The following CLINT1 variants were observed in gnomAD, a reference collection of about 807,000 sequenced individuals.
CLINT1 encodes the protein clathrin interacting protein localized in the trans-Golgi region.
A neutral mutation model predicts 70.4 loss-of-function variants in CLINT1; 15 were observed. The observed-to-expected ratio is 0.21, with a 90% CI of 0.14 to 0.33. The LOEUF (loss-of-function observed/expected upper bound fraction) is 0.33. CLINT1 is among the 10% of genes least tolerant of loss of function. The pLI, the probability that CLINT1 is intolerant of heterozygous loss-of-function variation, is 1.00. For missense variants in CLINT1, 615 were observed against 778.1 expected, an observed-to-expected ratio of 0.79 and a Z score of 2.49; for synonymous variants, 227 against 254.7, an observed-to-expected ratio of 0.89 and a Z score of 1.04.
chr5:157,819,015 T>C (rs1326779721), intron 1 of CLINT1, among the ~76,000 whole-genome samples: 5 of 152,312 alleles, frequency 3.3e-5, no homozygotes, highest in African/African-American at 1.2e-4. Flanking sequence ...TACATGCATA[T>C]ACCCCACTTT....
intron 11 of CLINT1, 56 bp downstream of exon 11, chr5:157,789,307 A>C: frequency 6.8e-7 from 1 of 1,480,170 alleles, no homozygotes. Flanking sequence ...TAGTCCTGGC[A>C]TTAAGGCAAA....
chr5:157,859,045 C>T lies in CLINT1; in HGVS notation c.-75G>A. The T allele has an allele frequency of 6.4e-7, 1 of 1,550,536 alleles. No homozygotes were observed. The highest frequency in any genetic ancestry group is 8.8e-7 in the Non-Finnish European group (1 of 1,136,596). On this transcript the variant is annotated 5_prime_UTR_variant, in exon 1 of 12. Coordinates refer to ENST00000411809, the MANE Select transcript of CLINT1 (RefSeq NM_014666.4). Reference sequence around the variant, plus strand: ...ACCCCGGAACACTTCCGTACCGGGGCAGTTCCAGGCCGGGGTCACCGCCGC... The same window carrying T: ...ACCCCGGAACACTTCCGTACCGGGGTAGTTCCAGGCCGGGGTCACCGCCGC...
intron 8 of CLINT1, among the ~76,000 whole-genome samples, chr5:157,801,595 G>C (rs1243518636): frequency 6.6e-6 from 1 of 151,980 alleles, no homozygotes; most frequent in Non-Finnish European, 1.5e-5. Flanking sequence ...CACTTCGGGA[G>C]GCTGAGGCAG....
intron 1 of CLINT1, among the ~76,000 whole-genome samples, chr5:157,857,042 C>T (rs1753780381): frequency 6.6e-6 from 1 of 152,060 alleles, no homozygotes; most frequent in Admixed American, 6.6e-5. Flanking sequence ...TCTAAGAGAA[C>T]AAGGTGTTTC....
chr5:157,824,214 A>G (rs542688493), intron 1 of CLINT1, among the ~76,000 whole-genome samples: 29 of 152,308 alleles, frequency 1.9e-4, no homozygotes, highest in African/African-American at 6.5e-4. Flanking sequence ...GAACCTTGTG[A>G]TATTCATTTT....
intron 1 of CLINT1, among the ~76,000 whole-genome samples, chr5:157,847,707 T>C (rs1246096341): frequency 6.6e-6 from 1 of 152,174 alleles, no homozygotes; most frequent in African/African-American, 2.4e-5. Context: ...TGTAATCTCA[T>C]GATAAAGCTT....
At chr5:157,800,437 C>T (rs866197288) in intron 8 of CLINT1, among the ~76,000 whole-genome samples, 1 of 152,012 alleles carries the variant, frequency 6.6e-6, no homozygotes, top group Non-Finnish European at 1.5e-5. Context: ...TATACCTTCT[C>T]GTGTAAGTGC....
intron 8 of CLINT1, chr5:157,795,544 T>G (rs533401917): frequency 6.6e-6 from 1 of 152,230 alleles, no homozygotes; most frequent in Non-Finnish European, 1.5e-5. Flanking sequence ...TAAAGAGATA[T>G]AGGCTGAAGT....
intron 8 of CLINT1, among the ~76,000 whole-genome samples, chr5:157,802,542 CTTTT>C (rs199598702): frequency 4.4e-5 from 6 of 137,302 alleles, no homozygotes; most frequent in Non-Finnish European, 6.2e-5. Flanking sequence ...GTAGCCCTCT[CTTTT>C]TTTTTTTTTT....
intron 1 of CLINT1, among the ~76,000 whole-genome samples, chr5:157,855,186 A>C (rs1753718860): frequency 1.4e-5 from 2 of 142,222 alleles, no homozygotes. Flanking sequence ...CTGATGAAAG[A>C]GATTTACCAC....
intron 1 of CLINT1, among the ~76,000 whole-genome samples, chr5:157,817,840 A>G (rs993680357): frequency 1.3e-5 from 2 of 152,238 alleles, no homozygotes; most frequent in Admixed American, 6.5e-5. Context: ...AAAAAAAACA[A>G]AAACAAAAAC....
At chr5:157,815,120 TAC>T (rs150242169) in intron 3 of CLINT1, among the ~76,000 whole-genome samples, 6,951 of 141,506 alleles carry the variant, frequency 0.049, 419 homozygotes, top group African/African-American at 0.14. Context: ...TCTTCACACA[TAC>T]ACACACACAC....
In CLINT1 at chr5:157,806,003, C is replaced by G. The variant is rs1561645047; in HGVS notation, c.805G>C (p.Glu269Gln). Residue 269 changes from glutamate (E) to glutamine (Q), a missense_variant, in exon 7 of 12, where the codon GAG (glutamate) becomes CAG (glutamine). Physicochemically the swap from Glu to Gln is conservative, Grantham distance 29. This residue lies in a region of CLINT1 where 241 missense variants were observed against 368.6 expected (regional missense o/e 0.65). Transcript: ENST00000411809. The part of the protein sequence containing the change: ...TKHIHITQAT[E>Q]TTTTRHKRTA... ...CGCTTGTGTCTGGTTGTGGTGGTCT[C>G]TGTGGCCTGTGTGATATGAATATGC... is the stretch of plus-strand genomic sequence containing the variant. The G allele has an allele frequency of 6.2e-7, 1 of 1,613,822 alleles. No homozygotes were observed. Among genetic ancestry groups the G allele is most frequent in the Non-Finnish European group, 8.5e-7 (1 of 1,179,882 alleles).
At chr5:157,843,587 C>T (rs995677328) in intron 1 of CLINT1, among the ~76,000 whole-genome samples, 16 of 152,146 alleles carry the variant, frequency 1.1e-4, no homozygotes, top group Non-Finnish European at 2.1e-4. Flanking sequence ...CCCTCCTATA[C>T]TTACCCTTCT....
chr5:157,848,320 C>G (rs1251345727), intron 1 of CLINT1, among the ~76,000 whole-genome samples: 1 of 151,138 alleles, frequency 6.6e-6, no homozygotes, highest in African/African-American at 2.4e-5. Context: ...TGGTCTTGAA[C>G]TCCTAGGCTC....
In CLINT1 at chr5:157,850,565, C is replaced by T. The variant is rs571869476; in HGVS notation, c.41+8365G>A. Among the ~76,000 whole-genome samples, 84 of 130,716 alleles carry T rather than the reference C, an allele frequency of 6.4e-4. 2 individuals are homozygous for T. Among genetic ancestry groups the T allele is most frequent in the African/African-American group, 2.4e-3 (81 of 33,740 alleles). 85.8% of individuals were successfully genotyped at this position (130,716 alleles called of 152,430 possible). A position where few individuals can be genotyped will look rare whatever the true frequency, so the allele number is the denominator to read the frequency against. The stretch of plus-strand genomic sequence containing the variant: ...GGTCAAGGCTGCAGTGAGTCAAGAT[C>T]GTGCATGCCACTGCGCTCCAGCCTG... On this transcript the variant is annotated intron_variant, in intron 1 of 11. Transcript: ENST00000411809.
intron 1 of CLINT1, among the ~76,000 whole-genome samples, chr5:157,832,001 T>C (rs1048690783): frequency 6.6e-6 from 1 of 151,876 alleles, no homozygotes; most frequent in Non-Finnish European, 1.5e-5. Context: ...AGGCCACTGT[T>C]TTTTAAGACA....
At chr5:157,846,740 C>A (rs1170723334) in intron 1 of CLINT1, among the ~76,000 whole-genome samples, 1 of 152,216 alleles carries the variant, frequency 6.6e-6, no homozygotes, top group East Asian at 1.9e-4. Context: ...CAGGCTGAAT[C>A]TCTTCTCATG....
chr5:157,844,578 T>C (rs1753305529), intron 1 of CLINT1, among the ~76,000 whole-genome samples: 1 of 152,200 alleles, frequency 6.6e-6, no homozygotes, highest in East Asian at 1.9e-4. Flanking sequence ...CTGTATAACG[T>C]CTAGATGTTT....
Sources: gnomAD v4.1 joint callset for allele counts (sites outside exome capture counted in the v4.1 genomes callset) on GRCh38, gnomAD v4.1.1 for gene constraint, gnomAD v4.1.1 regional missense constraint, MANE v1.5 for transcripts, NCBI Gene and HGNC (gene_info 2026-07-23, HGNC 2026-07-21) for gene names.